Variants in ZMYM2 observed in about 807,000 individuals in gnomAD.
ZMYM2 encodes the protein zinc finger MYM-type containing 2.
Under a neutral mutation model 162.8 loss-of-function variants are expected in ZMYM2, and 56 were observed. That is an observed-to-expected ratio of 0.34 (90% CI 0.28 to 0.43). The LOEUF is 0.43. Ranked by LOEUF, ZMYM2 falls within the 20% of genes least tolerant of loss-of-function variation. The pLI is 1.00. For missense variants in ZMYM2, 1,275 were observed against 1,621.8 expected (o/e 0.79, Z 3.67); for synonymous variants, 510 against 541.6 (o/e 0.94, Z 0.81).
chr13:19,974,560 C>T (rs1456425389), intron 2 of ZMYM2, among the ~76,000 whole-genome samples: 76 of 151,298 alleles, frequency 5.0e-4, no homozygotes, highest in Non-Finnish European at 5.9e-5. Context: ...TCTGCAGTCT[C>T]TTCCGGGTTC....
rs183448364 is a variant in ZMYM2 at position 20,031,360 on chromosome 13, G to T, written c.1893G>T (p.Ala631=). Residue 631 remains alanine, a synonymous_variant, in exon 10 of 25, where the codon GCG becomes GCT. Coordinates refer to ENST00000610343, the MANE Select transcript of ZMYM2 (RefSeq NM_197968.4). The part of the protein sequence containing the change: ...MQSSPNGQFV[A]PSDIQLKCNY... ...CATCTCCAAATGGCCAGTTTGTAGC[G>T]CCAAGTGATATTCAGTTGAAATGCA... 16 of 1,608,390 alleles carry T rather than the reference G, an allele frequency of 9.9e-6. No homozygotes were observed. Among genetic ancestry groups the T allele is most frequent in the Non-Finnish European group, 1.4e-5 (16 of 1,178,572 alleles).
At chr13:20,047,919 G>C (rs950638602) in intron 12 of ZMYM2, among the ~76,000 whole-genome samples, 3 of 151,928 alleles carry the variant, frequency 2.0e-5, no homozygotes, top group African/African-American at 7.2e-5. Context: ...AATGTTTCCA[G>C]GCGTAATGAA....
At chr13:19,937,208 G>A in the ZMYM2 span, among the ~76,000 whole-genome samples, 2 of 151,740 alleles carry the variant, frequency 1.3e-5, no homozygotes, top group Non-Finnish European at 2.9e-5. Context: ...GAGTGCAATG[G>A]CACTATCTTG....
chr13:20,078,627 G>C (rs1236864176), intron 21 of ZMYM2, among the ~76,000 whole-genome samples: 1 of 152,156 alleles, frequency 6.6e-6, no homozygotes, highest in Admixed American at 6.5e-5. Context: ...CTGTCAACGT[G>C]CTGCTTTGCC....
the ZMYM2 span, among the ~76,000 whole-genome samples, chr13:19,945,479 T>C: frequency 6.6e-6 from 1 of 152,098 alleles, no homozygotes; most frequent in Non-Finnish European, 1.5e-5. Flanking sequence ...CTTGAACTCC[T>C]GGCCTCAAGT....
At chr13:19,884,338 G>T in the ZMYM2 span, among the ~76,000 whole-genome samples, 2 of 152,156 alleles carry the variant, frequency 1.3e-5, no homozygotes, top group Non-Finnish European at 2.9e-5. Context: ...CACTTTGAAA[G>T]GCCCTGGCAG....
At chr13:19,927,406 T>C in the ZMYM2 span, among the ~76,000 whole-genome samples, 13 of 152,334 alleles carry the variant, frequency 8.5e-5, no homozygotes, top group South Asian at 2.1e-4. Flanking sequence ...TTATTAGCTA[T>C]TGAATTCTAA....
chr13:20,051,664 A>C lies in ZMYM2; in HGVS notation c.2458+66A>C, dbSNP rs929516727. 6.9e-6 allele frequency: 10 copies of C among 1,449,264 alleles called. No homozygotes were observed. The South Asian group carries it at 7.2e-5, about 10-fold the overall frequency. 89.8% of individuals were successfully genotyped at this position (1,449,264 alleles called of 1,614,324 possible). ...TCAGTCTTTACGTAGTTTTGAATCC[A>C]AAGCACTGATAATGAATAGTTGATT... On this transcript the variant is annotated intron_variant, in intron 13 of 24. Transcript: ENST00000610343.
chr13:20,001,602 G>A (rs9578245), intron 3 of ZMYM2, among the ~76,000 whole-genome samples: 1 of 152,042 alleles, frequency 6.6e-6, no homozygotes, highest in Non-Finnish European at 1.5e-5. Flanking sequence ...GTTGATAAAG[G>A]AGTTGCAGGG....
the ZMYM2 span, among the ~76,000 whole-genome samples, chr13:19,939,180 C>T: frequency 7.3e-5 from 11 of 151,670 alleles, no homozygotes; most frequent in Non-Finnish European, 1.0e-4. Context: ...CCTGCCACCA[C>T]GCCCAGCTAA....
intron 2 of ZMYM2, among the ~76,000 whole-genome samples, chr13:19,964,739 G>A (rs1955588269): frequency 6.6e-6 from 1 of 151,064 alleles, no homozygotes; most frequent in Non-Finnish European, 1.5e-5. Context: ...CTCTCTAAGT[G>A]TTCCTAGTGA....
At chr13:19,936,378 A>G in the ZMYM2 span, among the ~76,000 whole-genome samples, 2 of 152,124 alleles carry the variant, frequency 1.3e-5, no homozygotes, top group African/African-American at 4.8e-5. Flanking sequence ...ATTTTTAAAG[A>G]TGAGGAAGCT....
At chr13:20,074,194 ATT>A (rs1165697269) in intron 21 of ZMYM2, among the ~76,000 whole-genome samples, 9 of 114,750 alleles carry the variant, frequency 7.8e-5, no homozygotes, top group Non-Finnish European at 1.3e-4. Context: ...ATATGTCAGA[ATT>A]TGTGTGTGTG....
At chr13:20,026,330 G>A (rs1594436307) in intron 7 of ZMYM2, 2 of 224,178 alleles carry the variant, frequency 8.9e-6, no homozygotes, top group East Asian at 9.0e-5. Context: ...AATTTTTCAG[G>A]TTTTACTTAA....
At chr13:20,078,128 T>C (rs1225101515) in intron 21 of ZMYM2, among the ~76,000 whole-genome samples, 1 of 152,106 alleles carries the variant, frequency 6.6e-6, no homozygotes, top group Non-Finnish European at 1.5e-5. Flanking sequence ...CAGTTTTAAG[T>C]ATTTTTAAAG....
chr13:20,087,193 G>C lies in ZMYM2; in HGVS notation c.*1179G>C, dbSNP rs573202381. 6 of 186,628 alleles carry C rather than the reference G, an allele frequency of 3.2e-5. No individual in the cohort carries two copies. Among genetic ancestry groups the C allele is most frequent in the Admixed American group, 1.2e-4 (2 of 16,096 alleles). 11.6% of individuals were successfully genotyped at this position (186,628 alleles called of 1,614,324 possible). A position where few individuals can be genotyped will look rare whatever the true frequency, so the allele number is the denominator to read the frequency against. On this transcript the variant is annotated 3_prime_UTR_variant, in exon 25 of 25. Transcript: ENST00000610343. ...AGGAACAAACAAAGAAACTAATAGA[G>C]AAAGTCAGTCTCAGAGGAAATCCCA...
rs972996624 is a variant in ZMYM2 at position 20,063,804 on chromosome 13, T to C, written c.3038-647T>C. On this transcript the variant is annotated intron_variant, in intron 18 of 24. Coordinates refer to ENST00000610343, the MANE Select transcript of ZMYM2 (RefSeq NM_197968.4). ...AAAAAATATATATATATAAAAAATA[T>C]ATAATATATATAATACATAAATATA... Among the ~76,000 whole-genome samples the C allele has an allele frequency of 1.1e-3, 13 of 11,578 alleles. No homozygotes were observed. The South Asian group carries it at 0.029, about 26-fold the overall frequency. 7.6% of individuals were successfully genotyped at this position (11,578 alleles called of 152,430 possible).
At chr13:20,079,061 C>T (rs1196631242) in intron 21 of ZMYM2, among the ~76,000 whole-genome samples, 2 of 150,884 alleles carry the variant, frequency 1.3e-5, no homozygotes, top group African/African-American at 2.4e-5. Context: ...TGTCTCATGC[C>T]TGTAATCCCA....
chr13:19,986,992 C>G (rs1372668341), intron 2 of ZMYM2, among the ~76,000 whole-genome samples: 1 of 151,312 alleles, frequency 6.6e-6, no homozygotes, highest in African/African-American at 2.4e-5. Flanking sequence ...GTAATCCCAG[C>G]TACTCAGGAG....
Sources: gnomAD v4.1 joint callset for allele counts (sites outside exome capture counted in the v4.1 genomes callset) on GRCh38, gnomAD v4.1.1 for gene constraint, MANE v1.5 for transcripts, NCBI Gene and HGNC (gene_info 2026-07-23, HGNC 2026-07-21) for gene names.